CEP112: variants seen among roughly 807,000 people sequenced by gnomAD.
CEP112 encodes centrosomal protein of 112 kDa.
In CEP112, 127 loss-of-function variants were observed where a neutral mutation model predicts 153.0. The observed-to-expected ratio is 0.83, with a 90% CI of 0.72 to 0.96. The LOEUF is 0.96. Among genes scored for constraint, CEP112 ranks in the 40% least tolerant of loss-of-function variants. The pLI is 0.00. For synonymous variants in CEP112, 358 were observed against 374.4 expected, an observed-to-expected ratio of 0.96 and a Z score of 0.51; for missense variants, 1,089 against 1,101.2, an observed-to-expected ratio of 0.99 and a Z score of 0.16.
intron 23 of CEP112, among the ~76,000 whole-genome samples, chr17:65,718,721 CAAG>C (rs2049696116): frequency 6.6e-6 from 1 of 151,952 alleles, no homozygotes; most frequent in Non-Finnish European, 1.5e-5. Context: ...ATAAACATTA[CAAG>C]AAGAAAGGAA....
chr17:65,941,377 G>T (rs972836639), intron 18 of CEP112: 1 of 152,100 alleles, frequency 6.6e-6, no homozygotes, highest in African/African-American at 2.4e-5. Flanking sequence ...TGTATCAAAA[G>T]ATTTTAAAAA....
chr17:65,770,494 C>T (rs2053279872), intron 21 of CEP112, among the ~76,000 whole-genome samples: 1 of 152,012 alleles, frequency 6.6e-6, no homozygotes, highest in African/African-American at 2.4e-5. Flanking sequence ...TGAAATAAGT[C>T]GTTCAGGCAG....
chr17:65,763,310 C>T (rs1172596997), intron 21 of CEP112, among the ~76,000 whole-genome samples: 4 of 151,738 alleles, frequency 2.6e-5, no homozygotes, highest in African/African-American at 9.7e-5. Flanking sequence ...TTCATTTATG[C>T]TGATTGGTGT....
At chr17:66,125,160 G>T (rs541716955) in intron 6 of CEP112, among the ~76,000 whole-genome samples, 1 of 152,184 alleles carries the variant, frequency 6.6e-6, no homozygotes, top group East Asian at 1.9e-4. Flanking sequence ...TTAAACTCTA[G>T]AGAAAGACAA....
chr17:65,690,529 G>C lies in CEP112; in HGVS notation c.2608-1311C>G, dbSNP rs533506722. 1.1e-3 allele frequency among the ~76,000 whole-genome samples: 174 copies of C among 152,070 alleles called. 1 individual carries two copies. Among genetic ancestry groups the C allele is most frequent in the South Asian group, 2.5e-3 (12 of 4,820 alleles). ...AGTAAGTGTATTATATAACCGTGATGAGTGCAGAAGAAAAATAAAGCAGGG... is the reference window on the plus strand; with the variant it reads ...AGTAAGTGTATTATATAACCGTGATCAGTGCAGAAGAAAAATAAAGCAGGG... On this transcript the variant is annotated intron_variant, in intron 23 of 26. Coordinates refer to ENST00000535342, the MANE Select transcript of CEP112 (RefSeq NM_001199165.4).
At chr17:65,732,383 C>T (rs1290994321) in intron 23 of CEP112, among the ~76,000 whole-genome samples, 9 of 152,150 alleles carry the variant, frequency 5.9e-5, no homozygotes, top group Admixed American at 5.9e-4. Flanking sequence ...TTTCTTGTTC[C>T]ACTGAAAAAG....
At chr17:65,799,726 G>A (rs775881199) in intron 21 of CEP112, among the ~76,000 whole-genome samples, 2 of 152,192 alleles carry the variant, frequency 1.3e-5, no homozygotes, top group Non-Finnish European at 2.9e-5. Flanking sequence ...CCACATTGAC[G>A]CAAGTCAAAC....
At chr17:65,643,111 C>T (rs569230685) in intron 24 of CEP112, among the ~76,000 whole-genome samples, 1 of 152,088 alleles carries the variant, frequency 6.6e-6, no homozygotes, top group East Asian at 1.9e-4. Flanking sequence ...ACCACCAGGG[C>T]CTTTGTGGAG....
At chr17:65,833,528 C>T (rs2057174928) in intron 21 of CEP112, among the ~76,000 whole-genome samples, 2 of 152,122 alleles carry the variant, frequency 1.3e-5, no homozygotes, top group African/African-American at 4.8e-5. Context: ...AATCAATGTA[C>T]TAAAATCACT....
At chr17:66,033,300 A>C (rs1024128172) in intron 12 of CEP112, among the ~76,000 whole-genome samples, 4 of 152,048 alleles carry the variant, frequency 2.6e-5, no homozygotes. Context: ...GTATACTGTA[A>C]AAGTCACACA....
chr17:65,653,562 A>T (rs951097145), intron 24 of CEP112, among the ~76,000 whole-genome samples: 1 of 152,124 alleles, frequency 6.6e-6, no homozygotes, highest in African/African-American at 2.4e-5. Context: ...TGGTGTAAGA[A>T]GAGTGCAGCA....
chr17:65,664,625 T>G (rs2046591520), intron 24 of CEP112, among the ~76,000 whole-genome samples: 1 of 152,138 alleles, frequency 6.6e-6, no homozygotes, highest in Non-Finnish European at 1.5e-5. Context: ...TAACATGACT[T>G]GGTGATGAAA....
At chr17:65,946,602 T>C (rs2061656565) in intron 18 of CEP112, among the ~76,000 whole-genome samples, 1 of 152,234 alleles carries the variant, frequency 6.6e-6, no homozygotes, top group African/African-American at 2.4e-5. Context: ...TAACATAAGT[T>C]CTCCAATTGC....
chr17:65,659,015 CAAAAAAAAAA>C (rs777326885), intron 24 of CEP112, among the ~76,000 whole-genome samples: 8 of 55,576 alleles, frequency 1.4e-4, no homozygotes, highest in Admixed American at 5.4e-4. Context: ...GACTCTGTCT[CAAAAAAAAAA>C]AAAAAAAAAA....
At chr17:66,103,758 A>AT (rs2068663157) in intron 6 of CEP112, among the ~76,000 whole-genome samples, 1 of 152,226 alleles carries the variant, frequency 6.6e-6, no homozygotes, top group African/African-American at 2.4e-5. Flanking sequence ...AATCACCTGC[A>AT]TCACCCTTCT....
chr17:66,156,137 C>T (rs1047850176), intron 4 of CEP112, among the ~76,000 whole-genome samples: 2 of 152,122 alleles, frequency 1.3e-5, no homozygotes, highest in South Asian at 2.1e-4. Flanking sequence ...AGGAGAGCTC[C>T]GGCTGGCATC....
intron 17 of CEP112, among the ~76,000 whole-genome samples, chr17:65,990,267 C>T (rs547559127): frequency 1.3e-5 from 2 of 152,064 alleles, no homozygotes; most frequent in East Asian, 1.9e-4. Flanking sequence ...AGTGATTCTT[C>T]CCCTCAACAG....
chr17:65,844,928 G>A (rs1462515587), intron 21 of CEP112, among the ~76,000 whole-genome samples: 7 of 151,862 alleles, frequency 4.6e-5, no homozygotes, highest in Admixed American at 1.3e-4. Flanking sequence ...GAGGGGAATC[G>A]CTTGAACCTG....
intron 20 of CEP112, chr17:65,872,872 A>G (rs1354248315): frequency 6.6e-6 from 1 of 152,180 alleles, no homozygotes; most frequent in African/African-American, 2.4e-5. Flanking sequence ...AGCTTTGTCC[A>G]TGTAACTTCT....
Sources: gnomAD v4.1 joint callset for allele counts (sites outside exome capture counted in the v4.1 genomes callset) on GRCh38, gnomAD v4.1.1 for gene constraint, MANE v1.5 for transcripts, NCBI Gene and HGNC (gene_info 2026-07-23, HGNC 2026-07-21) for gene names.